Variants in OLFML2A observed in about 807,000 individuals in gnomAD.
The protein encoded by OLFML2A is olfactomedin like 2A, also known as olfactomedin-like protein 2A.
In OLFML2A, 47 loss-of-function variants were observed where a neutral mutation model predicts 60.9. The ratio of observed to expected loss-of-function variants is 0.77; its 90% CI spans 0.61 to 0.98. The LOEUF is 0.98. Among genes scored for constraint, OLFML2A ranks in the 50% least tolerant of loss-of-function variants. The probability of loss-of-function intolerance (pLI) is 0.00; values close to 1 mark genes in which losing one functional copy is unlikely to be tolerated. For synonymous variants in OLFML2A, 372 were observed against 375.0 expected (o/e 0.99, Z 0.09); for missense variants, 922 against 879.8 (o/e 1.05, Z -0.61).
chr9:124,777,426 G>T lies in OLFML2A; in HGVS notation c.90+66G>T. 1 of 1,218,776 alleles carries T rather than the reference G, an allele frequency of 8.2e-7. No homozygotes were observed. The highest frequency in any genetic ancestry group is 1.0e-6 in the Non-Finnish European group (1 of 978,244). The allele number at this position is 1,218,776 out of a possible 1,614,324, so 75.5% of individuals were successfully genotyped here. A position where few individuals can be genotyped will look rare whatever the true frequency, so the allele number is the denominator to read the frequency against. ...GGGGCGCGAGGGGGCGCTGTGGCTG[G>T]GGTGCGGCCCGGGAGGGAGCCCGGG... On this transcript the variant is annotated intron_variant, in intron 1 of 7. Coordinates refer to ENST00000373580, the MANE Select transcript of OLFML2A (RefSeq NM_182487.4). This position sits in a 1 kb window ranked among gnomAD's most constrained non-coding sequence, Gnocchi z 6.2.
chr9:124,798,487 C>T (rs1841707812), intron 3 of OLFML2A, among the ~76,000 whole-genome samples: 1 of 151,694 alleles, frequency 6.6e-6, no homozygotes, highest in Non-Finnish European at 1.5e-5. Context: ...CACTGCCCTC[C>T]AAGCTGGGCA....
rs1415956276 is a variant in OLFML2A, at chr9:124,777,906, C to T, written c.90+546C>T. 6.6e-6 allele frequency among the ~76,000 whole-genome samples: 1 copy of T among 152,170 alleles called. No individual in the cohort carries two copies. Among genetic ancestry groups the T allele is most frequent in the Admixed American group, 6.5e-5 (1 of 15,280 alleles). On this transcript the variant is annotated intron_variant, in intron 1 of 7. Coordinates refer to ENST00000373580, the MANE Select transcript of OLFML2A (RefSeq NM_182487.4). This position sits in a 1 kb window ranked among gnomAD's most constrained non-coding sequence, Gnocchi z 6.2. The stretch of plus-strand genomic sequence containing the variant: ...TCTCTGCTGTGGCTAAGAGGATCTG[C>T]TCTGGTGTCAAGCCGACCTGGGTTC...
chr9:124,798,110 C>T (rs1588885017), intron 3 of OLFML2A, among the ~76,000 whole-genome samples: 2 of 152,366 alleles, frequency 1.3e-5, no homozygotes, highest in South Asian at 2.1e-4. Context: ...ACTCCATCTA[C>T]ACTGTTTGAA....
chr9:124,800,773 A>G (rs1297729424), intron 4 of OLFML2A: 1 of 1,230,452 alleles, frequency 8.1e-7, no homozygotes, highest in South Asian at 1.6e-5. Flanking sequence ...CTTCTGCCTA[A>G]CGATGAGTGA....
chr9:124,805,252 T>C (rs1418451646), intron 6 of OLFML2A, among the ~76,000 whole-genome samples: 2 of 152,122 alleles, frequency 1.3e-5, no homozygotes, highest in African/African-American at 4.8e-5. Flanking sequence ...TGGTCCAAGG[T>C]CATTCCACTT....
intron 6 of OLFML2A, among the ~76,000 whole-genome samples, chr9:124,807,546 G>A (rs1841920959): frequency 6.6e-6 from 1 of 152,122 alleles, no homozygotes; most frequent in African/African-American, 2.4e-5. Flanking sequence ...GCCTCCCAAA[G>A]TGCTGGGATT....
At position 124,794,683 on chromosome 9, in the gene OLFML2A, G is replaced by A. The variant is rs377378464; in HGVS notation, c.355-341G>A. Among the ~76,000 whole-genome samples the A allele has an allele frequency of 1.1e-3, 173 of 152,204 alleles. 1 individual carries two copies. Among genetic ancestry groups the A allele is most frequent in the African/African-American group, 3.7e-3 (153 of 41,538 alleles). Reference sequence around the variant, plus strand: ...GTCACCCAGGCTGGAGTGCAGTGGCGTGATCTCGGCTCACTGCAACCCCCA... The same window carrying A: ...GTCACCCAGGCTGGAGTGCAGTGGCATGATCTCGGCTCACTGCAACCCCCA... On this transcript the variant is annotated intron_variant, in intron 2 of 7. Coordinates refer to ENST00000373580, the MANE Select transcript of OLFML2A (RefSeq NM_182487.4).
Position 124,812,608 on chromosome 9 carries a change from C to A in OLFML2A, c.*2196C>A. ...CATCATGGTCACATCCAGCCCCCAC[C>A]CCCGGCCAACTAACCACTGCAGGCT... On this transcript the variant is annotated 3_prime_UTR_variant, in exon 8 of 8. Transcript: ENST00000373580. 6.5e-6 allele frequency: 1 copy of A among 153,514 alleles called. No homozygotes were observed. The highest frequency in any genetic ancestry group is 1.9e-4 in the East Asian group (1 of 5,188). 9.5% of individuals were successfully genotyped at this position (153,514 alleles called of 1,614,324 possible).
intron 3 of OLFML2A, among the ~76,000 whole-genome samples, chr9:124,797,764 C>T (rs910185530): frequency 1.3e-5 from 2 of 152,198 alleles, no homozygotes; most frequent in Non-Finnish European, 1.5e-5. Context: ...TTTCCAAGTC[C>T]TCTCCAGTGA....
chr9:124,779,852 G>T lies in OLFML2A; in HGVS notation c.90+2492G>T, dbSNP rs553163785. ...CCAAGCCCATTCCGTTTTCCCTGGG[G>T]TGGAGGATGAGCCCTTCGGAGGGCC... On this transcript the variant is annotated intron_variant, in intron 1 of 7. Transcript: ENST00000373580. This position sits in a 1 kb window ranked among gnomAD's most constrained non-coding sequence, Gnocchi z 4.1. Among the ~76,000 whole-genome samples the T allele has an allele frequency of 2.6e-4, 40 of 152,194 alleles. No individual in the cohort carries two copies. Among genetic ancestry groups the T allele is most frequent in the Non-Finnish European group, 4.6e-4 (31 of 68,042 alleles).
At chr9:124,784,943 GTTTTT>G (rs750733365) in intron 1 of OLFML2A, among the ~76,000 whole-genome samples, 71 of 69,582 alleles carry the variant, frequency 1.0e-3, no homozygotes, top group African/African-American at 3.5e-3. Context: ...CCTTTTACTT[GTTTTT>G]TTTTTTTTTT....
At chr9:124,785,088 G>A (rs1391071351) in intron 1 of OLFML2A, among the ~76,000 whole-genome samples, 2 of 150,640 alleles carry the variant, frequency 1.3e-5, no homozygotes, top group East Asian at 3.9e-4. Context: ...CTAGTAGCTG[G>A]GGCTACAGGC....
At chr9:124,785,550 A>T (rs1336266449) in intron 1 of OLFML2A, among the ~76,000 whole-genome samples, 1 of 151,632 alleles carries the variant, frequency 6.6e-6, no homozygotes, top group Non-Finnish European at 1.5e-5. Flanking sequence ...GGCGCCCGCC[A>T]TCACGCCCGG....
At position 124,779,733 on chromosome 9, in the gene OLFML2A, AT is replaced by A. The variant is rs1841326699; in HGVS notation, c.90+2375del. On this transcript the variant is annotated intron_variant, in intron 1 of 7. Coordinates refer to ENST00000373580, the MANE Select transcript of OLFML2A (RefSeq NM_182487.4). This position sits in a 1 kb window ranked among gnomAD's most constrained non-coding sequence, Gnocchi z 4.1. ...CAAGTGATGGGTGAATTTACTCTGC[AT>A]TCCTTAGCTGAGCCAGACTCCTGCT... 6.6e-6 allele frequency among the ~76,000 whole-genome samples: 1 copy of A among 152,050 alleles called. No individual in the cohort carries two copies. Among genetic ancestry groups the A allele is most frequent in the Non-Finnish European group, 1.5e-5 (1 of 68,016 alleles).
intron 1 of OLFML2A, among the ~76,000 whole-genome samples, chr9:124,783,859 C>T (rs574332679): frequency 5.3e-5 from 8 of 152,032 alleles, no homozygotes; most frequent in Non-Finnish European, 8.8e-5. Context: ...ATTTCAGGTA[C>T]TAATAGGTGC....
rs560502204 is a variant in OLFML2A at position 124,783,387 on chromosome 9, G to A, written c.91-3588G>A. Among the ~76,000 whole-genome samples, 82 of 152,192 alleles carry A rather than the reference G, an allele frequency of 5.4e-4. No homozygotes were observed. The South Asian group carries it at 0.016, about 29-fold the overall frequency. ...CTTGGGAGGCTGAGGTGGGAGGATC[G>A]CCTGATCCCAGGAGGTCAAGGTGTG... On this transcript the variant is annotated intron_variant, in intron 1 of 7. Coordinates refer to ENST00000373580, the MANE Select transcript of OLFML2A (RefSeq NM_182487.4).
At position 124,809,965 on chromosome 9, in the gene OLFML2A, C is replaced by A. The variant is rs368198153; in HGVS notation, c.1512C>A (p.Asp504Glu). ...RFVASWALLP[D>E]VVYEDTTPWK... The stretch of plus-strand genomic sequence containing the variant: ...TGGCCTCCTGGGCGCTGCTGCCCGA[C>A]GTGGTATATGAGGACACCACACCTT... Residue 504 changes from aspartate to glutamate, a missense_variant, in exon 8 of 8, where the codon GAC (aspartate) becomes GAA (glutamate). Asp to Glu is a conservative substitution (Grantham distance 45). Coordinates refer to ENST00000373580, the MANE Select transcript of OLFML2A (RefSeq NM_182487.4). The A allele has an allele frequency of 2.5e-6, 4 of 1,614,044 alleles. No individual in the cohort carries two copies. The African/African-American group carries it at 4.0e-5, about 16-fold the overall frequency.
Position 124,810,626 on chromosome 9 carries a change from T to C in OLFML2A, c.*214T>C. 5 of 587,520 alleles carry C rather than the reference T, an allele frequency of 8.5e-6. No individual in the cohort carries two copies. The highest frequency in any genetic ancestry group is 1.5e-5 in the Non-Finnish European group (5 of 330,734). The allele number at this position is 587,520 out of a possible 1,614,324, so 36.4% of individuals were successfully genotyped here. On this transcript the variant is annotated 3_prime_UTR_variant, in exon 8 of 8. Coordinates refer to ENST00000373580, the MANE Select transcript of OLFML2A (RefSeq NM_182487.4). ...ACCGTGCCAAGCACTTCCCACACAC[T>C]TACCCGTTTGATTCTCCTAGCACCT...
At chr9:124,804,467 T>A in intron 6 of OLFML2A, 125 bp downstream of exon 6, 2 of 943,584 alleles carry the variant, frequency 2.1e-6, no homozygotes, top group Non-Finnish European at 3.1e-6. Context: ...CTCACACCTG[T>A]AACACCAGCA....
Sources: allele counts gnomAD v4.1 joint callset (sites outside exome capture counted in the v4.1 genomes callset), GRCh38; gene constraint gnomAD v4.1.1; non-coding constraint Gnocchi (gnomAD v3.1); transcripts MANE v1.5; gene names NCBI Gene and HGNC (gene_info 2026-07-23, HGNC 2026-07-21).